Variants in CD226 observed in about 807,000 individuals in gnomAD.
CD226 encodes the protein CD226 molecule.
A neutral mutation model predicts 34.9 loss-of-function variants in CD226; 24 were observed. The observed-to-expected ratio is 0.69, with a 90% CI of 0.50 to 0.97. The LOEUF (loss-of-function observed/expected upper bound fraction) is 0.97. Ranked by LOEUF, CD226 falls within the 50% of genes least tolerant of loss-of-function variation. The pLI is 0.00. For synonymous variants in CD226, 148 were observed against 147.4 expected (o/e 1.00, Z -0.03); for missense variants, 397 against 412.7 (o/e 0.96, Z 0.33).
intron 2 of CD226, among the ~76,000 whole-genome samples, chr18:69,921,574 C>T (rs900840196): frequency 5.9e-5 from 9 of 152,194 alleles, no homozygotes; most frequent in Non-Finnish European, 1.3e-4. Context: ...TGTCCTCCTT[C>T]CCCCAGGCCG....
chr18:69,864,368 C>T lies in CD226; in HGVS notation c.957G>A (p.Glu319=). Residue 319 remains glutamate, a synonymous_variant, in exon 6 of 6, where the codon GAG becomes GAA. Coordinates refer to ENST00000582621, the MANE Select transcript of CD226 (RefSeq NM_001303618.2). ...AGGTTGGATAGTTGACATAAATATC[C>T]TCTCTTGTATCATCCATGGATTGAT... ...PTNQSMDDTR[E]DIYVNYPTFS... The T allele has an allele frequency of 6.2e-7, 1 of 1,613,482 alleles. No individual in the cohort carries two copies. Among genetic ancestry groups the T allele is most frequent in the South Asian group, 1.1e-5 (1 of 91,066 alleles).
At chr18:69,896,892 C>A (rs181166856) in intron 2 of CD226, among the ~76,000 whole-genome samples, 5 of 152,260 alleles carry the variant, frequency 3.3e-5, no homozygotes, top group African/African-American at 1.2e-4. Context: ...GGTATCAATT[C>A]TTGATACCAT....
At chr18:69,941,584 T>C (rs919727385) in intron 2 of CD226, among the ~76,000 whole-genome samples, 2 of 152,154 alleles carry the variant, frequency 1.3e-5, no homozygotes, top group Non-Finnish European at 2.9e-5. Context: ...AGCCCCTTTG[T>C]TTTGGCCAAT....
In CD226 at chr18:69,896,231, G is replaced by A. The variant is rs377249927; in HGVS notation, c.383-186C>T. On this transcript the variant is annotated intron_variant, in intron 2 of 5. Transcript: ENST00000582621. ...GAGTCTTGCTCTGTCACCCAGACTA[G>A]AGTGCAGTGGTGTGATCTCGGCTCA... The A allele has an allele frequency of 8.5e-6, 7 of 821,702 alleles. No homozygotes were observed. The African/African-American group carries it at 1.2e-4, about 14-fold the overall frequency. The allele number at this position is 821,702 out of a possible 1,614,324, so 50.9% of individuals were successfully genotyped here. A position where few individuals can be genotyped will look rare whatever the true frequency, so the allele number is the denominator to read the frequency against.
chr18:69,900,035 G>A (rs889385019), intron 2 of CD226, among the ~76,000 whole-genome samples: 4 of 152,198 alleles, frequency 2.6e-5, no homozygotes, highest in East Asian at 1.9e-4. Context: ...CAACCTAAAC[G>A]TCCATCAGTG....
intron 5 of CD226, among the ~76,000 whole-genome samples, chr18:69,865,543 G>A (rs1983088251): frequency 6.6e-6 from 1 of 151,818 alleles, no homozygotes; most frequent in Non-Finnish European, 1.5e-5. Context: ...AGACTGGCAT[G>A]AGTAGACAAA....
intron 3 of CD226, among the ~76,000 whole-genome samples, chr18:69,890,789 G>T (rs1015536104): frequency 6.6e-6 from 1 of 152,108 alleles, no homozygotes; most frequent in Non-Finnish European, 1.5e-5. Context: ...TACAAAGGTA[G>T]GTGGATCAGT....
intron 2 of CD226, among the ~76,000 whole-genome samples, chr18:69,905,417 A>C (rs1386818533): frequency 6.6e-6 from 1 of 152,196 alleles, no homozygotes; most frequent in Non-Finnish European, 1.5e-5. Flanking sequence ...AGCAAGGAAG[A>C]TGTTTCCCAC....
chr18:69,880,330 GAGAA>G (rs74175399), intron 3 of CD226, among the ~76,000 whole-genome samples: 4,373 of 134,876 alleles, frequency 0.032, 102 homozygotes, highest in Non-Finnish European at 0.04. Flanking sequence ...AAAAGAAAGA[GAGAA>G]AGAAAGAAAG....
intron 4 of CD226, among the ~76,000 whole-genome samples, chr18:69,870,407 T>C (rs941414987): frequency 1.3e-5 from 2 of 151,412 alleles, no homozygotes; most frequent in Admixed American, 6.6e-5. Context: ...CCTGAGTAGC[T>C]GAGACTACAG....
At chr18:69,950,352 G>A (rs1414609779), upstream of CD226, among the ~76,000 whole-genome samples, 1 of 152,154 alleles carries the variant, frequency 6.6e-6, no homozygotes, top group Non-Finnish European at 1.5e-5. Flanking sequence ...CTCTTTTACA[G>A]AAAAACTTTT....
At position 69,853,707 on chromosome 18, in the gene CD226, C is replaced by T. The variant is rs1220730765; in HGVS notation, c.*10607G>A. ...AGTTCATCTTTAGTTTATTTCCAAT[C>T]GCATAGACTTGACATGTTATCTCCT... On this transcript the variant is annotated 3_prime_UTR_variant, in exon 6 of 6. Coordinates refer to ENST00000582621, the MANE Select transcript of CD226 (RefSeq NM_001303618.2). The T allele has an allele frequency of 6.6e-6, 1 of 152,104 alleles. No individual in the cohort carries two copies. The highest frequency in any genetic ancestry group is 6.5e-5 in the Admixed American group (1 of 15,270). 9.4% of individuals were successfully genotyped at this position (152,104 alleles called of 1,614,324 possible).
intron 2 of CD226, among the ~76,000 whole-genome samples, chr18:69,911,909 A>G (rs1010094036): frequency 1.3e-5 from 2 of 152,206 alleles, no homozygotes; most frequent in Non-Finnish European, 2.9e-5. Context: ...CCACAAAAAT[A>G]TATCTCTTAA....
intron 2 of CD226, among the ~76,000 whole-genome samples, chr18:69,938,640 T>A (rs953858771): frequency 6.6e-6 from 1 of 152,254 alleles, no homozygotes; most frequent in Admixed American, 6.5e-5. Flanking sequence ...AAAATCATCA[T>A]TTTTTAGTCC....
intron 3 of CD226, 119 bp from the exon 4 acceptor site, chr18:69,873,365 C>CA (rs1032127197): frequency 1.5e-4 from 87 of 574,508 alleles, no homozygotes; most frequent in South Asian, 3.4e-4. Flanking sequence ...AAGAATCCAA[C>CA]AAAAAAAATA....
chr18:69,941,793 T>C (rs1476695812), intron 2 of CD226, among the ~76,000 whole-genome samples: 1 of 152,184 alleles, frequency 6.6e-6, no homozygotes, highest in African/African-American at 2.4e-5. Flanking sequence ...GGTATGGTTG[T>C]ATTTTGAAAT....
chr18:69,883,644 AAACTT>A (rs1984393639), intron 3 of CD226, among the ~76,000 whole-genome samples: 1 of 152,248 alleles, frequency 6.6e-6, no homozygotes, highest in African/African-American at 2.4e-5. Flanking sequence ...AAGCTTTACT[AAACTT>A]AGAAGATGTA....
At chr18:69,892,855 G>A (rs1984988864) in intron 3 of CD226, among the ~76,000 whole-genome samples, 1 of 152,176 alleles carries the variant, frequency 6.6e-6, no homozygotes, top group Non-Finnish European at 1.5e-5. Flanking sequence ...TATAAAAGAA[G>A]TCATTGAGAA....
At chr18:69,888,955 T>A (rs1295203659) in intron 3 of CD226, among the ~76,000 whole-genome samples, 1 of 152,180 alleles carries the variant, frequency 6.6e-6, no homozygotes, top group Admixed American at 6.5e-5. Flanking sequence ...GCAAACATTC[T>A]AGGTTTTTGT....
Sources: allele counts gnomAD v4.1 joint callset (sites outside exome capture counted in the v4.1 genomes callset), GRCh38; gene constraint gnomAD v4.1.1; transcripts MANE v1.5; gene names NCBI Gene and HGNC (gene_info 2026-07-23, HGNC 2026-07-21).